The following CRMP1 variants were observed in gnomAD, a reference collection of about 807,000 sequenced individuals.
CRMP1 encodes collapsin response mediator protein 1, also known as dihydropyrimidinase-related protein 1.
A neutral mutation model predicts 68.3 loss-of-function variants in CRMP1; 19 were observed. The ratio of observed to expected loss-of-function variants is 0.28; its 90% CI spans 0.19 to 0.41. The LOEUF (loss-of-function observed/expected upper bound fraction) is 0.41. Among genes scored for constraint, CRMP1 ranks in the 10% least tolerant of loss-of-function variants. The pLI is 1.00. For missense variants in CRMP1, 791 were observed against 967.4 expected, an observed-to-expected ratio of 0.82 and a Z score of 2.42; for synonymous variants, 439 against 399.6, an observed-to-expected ratio of 1.10 and a Z score of -1.18.
chr4:5,868,271 A>ATATATATC (rs1714156319), intron 1 of CRMP1, among the ~76,000 whole-genome samples: 1 of 24,674 alleles, frequency 4.1e-5, no homozygotes, highest in African/African-American at 1.2e-4. Context: ...CTATATATAT[A>ATATATATC]TATATATATA....
Position 5,825,719 on chromosome 4 carries a change from A to G in CRMP1, c.1804-60T>C, listed in dbSNP as rs1719456423. 1.5e-5 allele frequency: 24 copies of G among 1,563,988 alleles called. No individual in the cohort carries two copies. The South Asian group carries it at 2.7e-4, about 18-fold the overall frequency. ...ACTGTGCATGTGTGCCCTTCTGGGC[A>G]GATAAAGCAGAGCCCTGCGGGCGAG... On this transcript the variant is annotated intron_variant, in intron 12 of 13. Coordinates refer to ENST00000324989, the MANE Select transcript of CRMP1 (RefSeq NM_001014809.3). This position sits in a 1 kb window ranked among gnomAD's most constrained non-coding sequence, Gnocchi z 4.4.
In CRMP1 at chr4:5,825,773, C is replaced by A; in HGVS notation, c.1804-114G>T. On this transcript the variant is annotated intron_variant, in intron 12 of 13. Coordinates refer to ENST00000324989, the MANE Select transcript of CRMP1 (RefSeq NM_001014809.3). This position sits in a 1 kb window ranked among gnomAD's most constrained non-coding sequence, Gnocchi z 4.4. ...GAAACCTGAGGTCACTTCAAATGTG[C>A]ATGCACACACACACACAACACGCAC... 2.0e-6 allele frequency: 2 copies of A among 980,004 alleles called. No homozygotes were observed. The highest frequency in any genetic ancestry group is 3.0e-6 in the Non-Finnish European group (2 of 661,104). 60.7% of individuals were successfully genotyped at this position (980,004 alleles called of 1,614,324 possible).
rs752834516 is a variant in CRMP1, at chr4:5,881,955, T to C, written c.381+10634A>G. On this transcript the variant is annotated intron_variant, in intron 1 of 13. Coordinates refer to ENST00000324989, the MANE Select transcript of CRMP1 (RefSeq NM_001014809.3). This position sits in a 1 kb window ranked among gnomAD's most constrained non-coding sequence, Gnocchi z 4.6. The stretch of plus-strand genomic sequence containing the variant: ...ATTCCAATCTATTCCTTATTGTCCA[T>C]TGAGACACCTCAATTTCGAGCTTGC... 4.6e-5 allele frequency among the ~76,000 whole-genome samples: 7 copies of C among 152,166 alleles called. No homozygotes were observed. Among genetic ancestry groups the C allele is most frequent in the African/African-American group, 1.4e-4 (6 of 41,432 alleles).
chr4:5,888,789 G>T lies in CRMP1; in HGVS notation c.381+3800C>A, dbSNP rs1715795874. On this transcript the variant is annotated intron_variant, in intron 1 of 13. Coordinates refer to ENST00000324989, the MANE Select transcript of CRMP1 (RefSeq NM_001014809.3). The surrounding 1 kb of genome is among the most constrained non-coding windows in gnomAD (Gnocchi z 6.4). ...CCCGCGGGCGGCGCCACAGGTGTGT[G>T]GCCGCGCGTCTGGAGGCCTCCCCGG... is the stretch of plus-strand genomic sequence containing the variant. 6.6e-6 allele frequency among the ~76,000 whole-genome samples: 1 copy of T among 151,956 alleles called. No homozygotes were observed. Among genetic ancestry groups the T allele is most frequent in the Non-Finnish European group, 1.5e-5 (1 of 67,942 alleles).
chr4:5,890,106 C>T lies in CRMP1; in HGVS notation c.381+2483G>A, dbSNP rs1296744526. ...GGGGCCTAAAATCCCTGTCAATGAC[C>T]GGAAATTGCAGATGGGGACACTGTC... On this transcript the variant is annotated intron_variant, in intron 1 of 13. Coordinates refer to ENST00000324989, the MANE Select transcript of CRMP1 (RefSeq NM_001014809.3). The surrounding 1 kb of genome is among the most constrained non-coding windows in gnomAD (Gnocchi z 5.5). 2 of 247,924 alleles carry T rather than the reference C, an allele frequency of 8.1e-6. No homozygotes were observed. The highest frequency in any genetic ancestry group is 1.5e-5 in the Non-Finnish European group (2 of 137,174). The allele number at this position is 247,924 out of a possible 1,614,324, so 15.4% of individuals were successfully genotyped here.
rs149879344 is a variant in CRMP1, at chr4:5,880,574, G to A, written c.381+12015C>T. On this transcript the variant is annotated intron_variant, in intron 1 of 13. Transcript: ENST00000324989. ...CAGAGCACAAGATGTGCAATGTGAC[G>A]ATCCCACTTGTGTGTAAAAAGTACC... Among the ~76,000 whole-genome samples, 174 of 152,288 alleles carry A rather than the reference G, an allele frequency of 1.1e-3. 1 individual carries two copies. Among genetic ancestry groups the A allele is most frequent in the Admixed American group, 3.1e-3 (48 of 15,300 alleles).
rs1711878513 is a variant in CRMP1 at position 5,842,820 on chromosome 4, G to A, written c.1032+273C>T. 2.0e-5 allele frequency among the ~76,000 whole-genome samples: 3 copies of A among 152,258 alleles called. No individual in the cohort carries two copies. Among genetic ancestry groups the A allele is most frequent in the Admixed American group, 2.0e-4 (3 of 15,296 alleles). On this transcript the variant is annotated intron_variant, in intron 7 of 13. Coordinates refer to ENST00000324989, the MANE Select transcript of CRMP1 (RefSeq NM_001014809.3). This position sits in a 1 kb window ranked among gnomAD's most constrained non-coding sequence, Gnocchi z 4.5. ...ACTTTCCTATTATCCACTATGCCAT[G>A]TCCTCCATGAGAATCCGTATCCACT...
chr4:5,831,448 G>A (rs938405414), intron 11 of CRMP1, among the ~76,000 whole-genome samples: 4 of 152,106 alleles, frequency 2.6e-5, no homozygotes, highest in Non-Finnish European at 5.9e-5. Flanking sequence ...TGCCAGCCTC[G>A]CAGGACCCAG....
Position 5,861,486 on chromosome 4 carries a change from G to A in CRMP1, c.471-276C>T, listed in dbSNP as rs1033318308. Among the ~76,000 whole-genome samples, 4 of 152,156 alleles carry A rather than the reference G, an allele frequency of 2.6e-5. No homozygotes were observed. The highest frequency in any genetic ancestry group is 9.7e-5 in the African/African-American group (4 of 41,436). Reference sequence around the variant, plus strand: ...TCATCCAGTCTCATTATCTAAGAAGGCTTCCAGGTGGAGGGGGTGGCAGAG... The same window carrying A: ...TCATCCAGTCTCATTATCTAAGAAGACTTCCAGGTGGAGGGGGTGGCAGAG... On this transcript the variant is annotated intron_variant, in intron 2 of 13. Coordinates refer to ENST00000324989, the MANE Select transcript of CRMP1 (RefSeq NM_001014809.3). The surrounding 1 kb of genome is among the most constrained non-coding windows in gnomAD (Gnocchi z 6.0).
chr4:5,827,724 T>C (rs552131727), intron 12 of CRMP1, among the ~76,000 whole-genome samples: 7 of 127,584 alleles, frequency 5.5e-5, no homozygotes, highest in Non-Finnish European at 1.1e-4. Flanking sequence ...CATACACACA[T>C]GTGCGCGTGC....
At chr4:5,885,703 T>A (rs1235115611) in intron 1 of CRMP1, among the ~76,000 whole-genome samples, 1 of 152,174 alleles carries the variant, frequency 6.6e-6, no homozygotes, top group Non-Finnish European at 1.5e-5. Context: ...CCCCGCCGTA[T>A]GATACCCTTA....
rs1266763693 is a variant in CRMP1, at chr4:5,854,201, C to T, written c.820+1942G>A. ...GACTGTCAATTTCCTTGGATTATGA[C>T]TCTGTTATGTAGTTGCAGTGAATCA... On this transcript the variant is annotated intron_variant, in intron 4 of 13. Coordinates refer to ENST00000324989, the MANE Select transcript of CRMP1 (RefSeq NM_001014809.3). The surrounding 1 kb of genome is among the most constrained non-coding windows in gnomAD (Gnocchi z 4.0). 6.6e-6 allele frequency among the ~76,000 whole-genome samples: 1 copy of T among 151,580 alleles called. No individual in the cohort carries two copies. The highest frequency in any genetic ancestry group is 1.5e-5 in the Non-Finnish European group (1 of 68,018).
In CRMP1 at chr4:5,825,410, G is replaced by A. The variant is rs148870824; in HGVS notation, c.1969+84C>T. On this transcript the variant is annotated intron_variant, in intron 13 of 13. Transcript: ENST00000324989. The surrounding 1 kb of genome is among the most constrained non-coding windows in gnomAD (Gnocchi z 4.4). ...TTCTTCATCTAGTGTCCAAGGCCACGTGTCCATTTCCTCAGAAGCAGCAGG... is the reference window on the plus strand; with the variant it reads ...TTCTTCATCTAGTGTCCAAGGCCACATGTCCATTTCCTCAGAAGCAGCAGG... 1,091 of 1,489,394 alleles carry A rather than the reference G, an allele frequency of 7.3e-4. 8 individuals carry two copies. The African/African-American group carries it at 0.013, about 17-fold the overall frequency. 92.3% of individuals were successfully genotyped at this position (1,489,394 alleles called of 1,614,324 possible).
chr4:5,866,707 G>C lies in CRMP1; in HGVS notation c.431C>G (p.Ser144Cys). ...KGGRIINDDQSLYADVYLEDG... is the reference protein window; with the variant it reads ...KGGRIINDDQCLYADVYLEDG... ...CTCCAGGTAGACGTCAGCATAAAGG[G>C]ATTGGTCATCGTTGATGATCCGTCC... is the stretch of plus-strand genomic sequence containing the variant. The change falls in exon 2 of 14, where the codon TCC becomes TGC. Residue 144 changes from serine to cysteine, a missense_variant. Around this residue, in one of 3 missense-constraint regions of CRMP1, gnomAD observed 594 missense variants for 763.6 expected, o/e 0.78. Coordinates refer to ENST00000324989, the MANE Select transcript of CRMP1 (RefSeq NM_001014809.3). The surrounding 1 kb of genome is among the most constrained non-coding windows in gnomAD (Gnocchi z 5.9). 2 of 1,613,150 alleles carry C rather than the reference G, an allele frequency of 1.2e-6. No homozygotes were observed. The highest frequency in any genetic ancestry group is 1.7e-6 in the Non-Finnish European group (2 of 1,179,862).
chr4:5,887,972 G>T (rs979074466), intron 1 of CRMP1, among the ~76,000 whole-genome samples: 4 of 152,104 alleles, frequency 2.6e-5, no homozygotes, highest in African/African-American at 7.2e-5. Flanking sequence ...CCCGTGGGGG[G>T]AGGGGGCGGC....
At position 5,891,212 on chromosome 4, in the gene CRMP1, A is replaced by ACACACACACACACACACAC. The variant is rs59152465; in HGVS notation, c.381+1376_381+1377insGTGTGTGTGTGTGTGTGTG. 6.8e-6 allele frequency among the ~76,000 whole-genome samples: 1 copy of ACACACACACACACACACAC among 147,120 alleles called. No homozygotes were observed. The highest frequency in any genetic ancestry group is 6.8e-5 in the Admixed American group (1 of 14,810). On this transcript the variant is annotated intron_variant, in intron 1 of 13. Transcript: ENST00000324989. This position sits in a 1 kb window ranked among gnomAD's most constrained non-coding sequence, Gnocchi z 5.2. ...CACACACACACACACACACACACACACCCTTGCTGTTGGACCTCTCCCTCG... is the reference window on the plus strand; with the variant it reads ...CACACACACACACACACACACACACACACACACACACACACACACCCCTTGCTGTTGGACCTCTCCCTCG...
At position 5,843,110 on chromosome 4, in the gene CRMP1, G is replaced by A; in HGVS notation, c.1015C>T (p.Leu339=). ...GTCCTTACCTCTTCAGGTCTGCTCA[G>A]GGCATGGCCCTCGGGACCCGTGATG... ...MGITGPEGHA[L]SRPEELEAEA... Residue 339 remains leucine, a synonymous_variant, in exon 7 of 14, where the codon CTG becomes TTG. Transcript: ENST00000324989. This position sits in a 1 kb window ranked among gnomAD's most constrained non-coding sequence, Gnocchi z 4.1. The A allele has an allele frequency of 6.2e-7, 1 of 1,614,158 alleles. No individual in the cohort carries two copies. Among genetic ancestry groups the A allele is most frequent in the Admixed American group, 1.7e-5 (1 of 60,030 alleles).
chr4:5,892,877 C>T lies in CRMP1; in HGVS notation c.93G>A (p.Lys31=). ...PGSAAQTPRQ[K]YGGMFAAVEG... ...CCACCGCGGCGAACATGCCGCCGTA[C>T]TTCTGGCGCGGGGTCTGCGCCGCGC... The change falls in exon 1 of 14, where the codon AAG becomes AAA. Residue 31 remains lysine (K), a synonymous_variant. Coordinates refer to ENST00000324989, the MANE Select transcript of CRMP1 (RefSeq NM_001014809.3). The surrounding 1 kb of genome is among the most constrained non-coding windows in gnomAD (Gnocchi z 8.6). 7.1e-7 allele frequency: 1 copy of T among 1,414,606 alleles called. No individual in the cohort carries two copies. The highest frequency in any genetic ancestry group is 9.3e-7 in the Non-Finnish European group (1 of 1,074,860). 87.6% of individuals were successfully genotyped at this position (1,414,606 alleles called of 1,614,324 possible).
chr4:5,886,915 G>A (rs1168551266), intron 1 of CRMP1, among the ~76,000 whole-genome samples: 1 of 152,238 alleles, frequency 6.6e-6, no homozygotes, highest in East Asian at 1.9e-4. Context: ...GAGAAGAGGT[G>A]GTGCCCACCC....
Sources: allele counts gnomAD v4.1 joint callset (sites outside exome capture counted in the v4.1 genomes callset), GRCh38; gene constraint gnomAD v4.1.1; regional missense constraint gnomAD v4.1.1; non-coding constraint Gnocchi (gnomAD v3.1); transcripts MANE v1.5; gene names NCBI Gene and HGNC (gene_info 2026-07-23, HGNC 2026-07-21).